Variants in SYNE2 observed in about 807,000 individuals in gnomAD.
The protein encoded by SYNE2 is nesprin-2.
SYNE2 carries 431 observed loss-of-function variants against 856.3 expected under a neutral mutation model. That is an observed-to-expected ratio of 0.50 (90% CI 0.47 to 0.55). SYNE2 has a LOEUF of 0.55. SYNE2 is among the 20% of genes least tolerant of loss of function. The pLI is 0.00. For synonymous variants in SYNE2, 2,923 were observed against 2,872.3 expected (o/e 1.02, Z -0.56); for missense variants, 8,129 against 8,023.2 (o/e 1.01, Z -0.50).
At chr14:64,216,854 A>G (rs1276437593) in intron 108 of SYNE2, among the ~76,000 whole-genome samples, 1 of 152,084 alleles carries the variant, frequency 6.6e-6, no homozygotes, top group Non-Finnish European at 1.5e-5. Flanking sequence ...CCTCCCAAGT[A>G]GCTGCGATTA....
chr14:63,922,505 GAT>G, intron 2 of SYNE2, among the ~76,000 whole-genome samples: 1 of 152,264 alleles, frequency 6.6e-6, no homozygotes, highest in East Asian at 1.9e-4. Flanking sequence ...TGTTTCTTAA[GAT>G]AGCCATGTGT....
chr14:63,940,006 G>A (rs960216309), intron 2 of SYNE2, among the ~76,000 whole-genome samples: 2 of 151,688 alleles, frequency 1.3e-5, no homozygotes, highest in African/African-American at 4.8e-5. Flanking sequence ...TCTAGGTTAG[G>A]AACTCCTGTT....
At chr14:64,159,574 C>A in intron 87 of SYNE2, 132 bp downstream of exon 87, 1 of 1,050,068 alleles carries the variant, frequency 9.5e-7, no homozygotes, top group Non-Finnish European at 1.4e-6. Flanking sequence ...CTGGTCTCTT[C>A]TGCTTTGATG....
At position 64,209,477 on chromosome 14, in the gene SYNE2, C is replaced by A; in HGVS notation, c.18439C>A (p.Arg6147Ser). ...LWQKFLDDYS[R>S]FEDWLKSAER... ...GCAGAAGTTTTTAGACGACTATTCT[C>A]GCTTTGAGGACTGGCTCAAGTCAGC... is the stretch of plus-strand genomic sequence containing the variant. The change falls in exon 102 of 116, where the codon CGC (arginine) becomes AGC (serine). Residue 6147 changes from arginine (R) to serine (S), a missense_variant. Arg to Ser is a moderately radical substitution (Grantham distance 110). This residue lies in a region of SYNE2 where 5,410 missense variants were observed against 5,284.8 expected (regional missense o/e 1.02). Transcript: ENST00000555002. The A allele has an allele frequency of 6.2e-7, 1 of 1,614,214 alleles. No individual in the cohort carries two copies. Among genetic ancestry groups the A allele is most frequent in the Non-Finnish European group, 8.5e-7 (1 of 1,180,042 alleles).
chr14:63,914,944 T>C (rs781303288), intron 2 of SYNE2, among the ~76,000 whole-genome samples: 94 of 152,050 alleles, frequency 6.2e-4, no homozygotes, highest in Non-Finnish European at 1.0e-3. Flanking sequence ...CGCCAAGCTA[T>C]TTTTTACATT....
intron 6 of SYNE2, among the ~76,000 whole-genome samples, chr14:63,945,766 A>G (rs2096016564): frequency 6.6e-6 from 1 of 152,296 alleles, no homozygotes; most frequent in African/African-American, 2.4e-5. Flanking sequence ...CTGGAATTAC[A>G]GGTGTGTGTC....
At chr14:63,764,260 CTGTT>C (rs1166590174) in intron 1 of SYNE2, among the ~76,000 whole-genome samples, 6 of 152,184 alleles carry the variant, frequency 3.9e-5, no homozygotes. Flanking sequence ...AAGAGCCCCA[CTGTT>C]TGTATCCGTG....
intron 45 of SYNE2, among the ~76,000 whole-genome samples, chr14:64,045,433 G>A (rs1217715769): frequency 6.6e-6 from 1 of 150,892 alleles, no homozygotes; most frequent in East Asian, 1.9e-4. Context: ...TCTTGGGCTG[G>A]GGGTGTATTT....
intron 8 of SYNE2, among the ~76,000 whole-genome samples, chr14:63,957,422 C>T (rs2096254853): frequency 6.6e-6 from 1 of 151,886 alleles, no homozygotes; most frequent in Non-Finnish European, 1.5e-5. Flanking sequence ...GTGTGTGCCA[C>T]TGTGCCTGGC....
chr14:63,797,410 T>C (rs562164956), intron 1 of SYNE2, among the ~76,000 whole-genome samples: 4 of 152,136 alleles, frequency 2.6e-5, no homozygotes, highest in Non-Finnish European at 5.9e-5. Context: ...ATAATAATAA[T>C]TGAGATTTGG....
rs773239073 is a variant in SYNE2, at chr14:63,978,807, G to A, written c.1407-45G>A. ...ATGCTGAACAGATTTCTCACATTTG[G>A]TCAATAATATTAAGTTAAATTCCAA... On this transcript the variant is annotated intron_variant, in intron 13 of 115. Coordinates refer to ENST00000555002, the MANE Select transcript of SYNE2 (RefSeq NM_182914.3). 5 of 1,538,872 alleles carry A rather than the reference G, an allele frequency of 3.2e-6. No individual in the cohort carries two copies. In the South Asian group the frequency reaches 3.4e-5, roughly 11 times the overall value.
In SYNE2 at chr14:64,003,056, A is replaced by G; in HGVS notation, c.4123A>G (p.Lys1375Glu). The G allele has an allele frequency of 6.2e-7, 1 of 1,614,232 alleles. No individual in the cohort carries two copies. The highest frequency in any genetic ancestry group is 8.5e-7 in the Non-Finnish European group (1 of 1,180,048). The part of the protein sequence containing the change: ...GEIHLMKDKA[K>E]HLDKCLKMLD... Reference sequence around the variant, plus strand: ...AATTCATCTGATGAAAGACAAGGCCAAACATTTGGATAAATGTTTGAAGAT... The same window carrying G: ...AATTCATCTGATGAAAGACAAGGCCGAACATTTGGATAAATGTTTGAAGAT... Residue 1375 changes from lysine to glutamate, a missense_variant, in exon 30 of 116, where the codon AAA becomes GAA. This residue lies in a region of SYNE2 where 2,422 missense variants were observed against 2,357.4 expected (regional missense o/e 1.03). Transcript: ENST00000555002.
At chr14:63,980,601 T>A (rs2096578189) in intron 14 of SYNE2, 53 bp from the exon 15 acceptor site, 2 of 1,263,108 alleles carry the variant, frequency 1.6e-6, no homozygotes, top group Non-Finnish European at 2.3e-6. Context: ...CTGGATTTCT[T>A]GGCACAATTT....
chr14:63,769,985 G>A (rs1287708513), intron 1 of SYNE2, among the ~76,000 whole-genome samples: 5 of 152,042 alleles, frequency 3.3e-5, no homozygotes, highest in Admixed American at 3.3e-4. Flanking sequence ...CACAATCACA[G>A]CTCACTGCAG....
At chr14:64,199,697 G>A (rs943748697) in intron 99 of SYNE2, among the ~76,000 whole-genome samples, 10 of 127,342 alleles carry the variant, frequency 7.9e-5, no homozygotes, top group Admixed American at 1.9e-4. Context: ...CAGCGTAGGC[G>A]ATAGAGACTC....
At chr14:64,084,862 G>A in intron 57 of SYNE2, 1 of 681,116 alleles carries the variant, frequency 1.5e-6, no homozygotes, top group Non-Finnish European at 2.7e-6. Context: ...AAAGGCTGCA[G>A]GCTCATCTGA....
At chr14:63,804,613 C>A (rs948518459) in intron 1 of SYNE2, among the ~76,000 whole-genome samples, 8 of 152,142 alleles carry the variant, frequency 5.3e-5, no homozygotes, top group African/African-American at 1.9e-4. Context: ...CCTGCCTCAG[C>A]CTCTTGAATA....
chr14:64,186,568 C>T lies in SYNE2; in HGVS notation c.17701C>T (p.Leu5901Phe). 1 of 1,614,148 alleles carries T rather than the reference C, an allele frequency of 6.2e-7. No individual in the cohort carries two copies. The highest frequency in any genetic ancestry group is 1.1e-5 in the South Asian group (1 of 91,074). The stretch of plus-strand genomic sequence containing the variant: ...GCATTTGCACAGACAATGGGAGGAC[C>T]TCTGCTTAAGGGTAAGTCAGCTCAC... ...IEHLHRQWED[L>F]CLRVAIRKQE... is the part of the protein sequence containing the mutation. Residue 5901 changes from leucine (L) to phenylalanine (F), a missense_variant, in exon 97 of 116, where the codon CTC becomes TTC. This residue lies in a region of SYNE2 where 5,410 missense variants were observed against 5,284.8 expected (regional missense o/e 1.02). Coordinates refer to ENST00000555002, the MANE Select transcript of SYNE2 (RefSeq NM_182914.3).
Position 63,967,818 on chromosome 14 carries a change from G to A in SYNE2, c.1100G>A (p.Arg367Lys). 2 of 1,614,092 alleles carry A rather than the reference G, an allele frequency of 1.2e-6. No individual in the cohort carries two copies. Among genetic ancestry groups the A allele is most frequent in the Non-Finnish European group, 1.7e-6 (2 of 1,179,986 alleles). Residue 367 changes from arginine to lysine, a missense_variant, in exon 11 of 116, where the codon AGA becomes AAA. Coordinates refer to ENST00000555002, the MANE Select transcript of SYNE2 (RefSeq NM_182914.3). ...DELDKDHLQL[R>K]EAWDGLDHQI... is the part of the protein sequence containing the mutation. ...CTGGACAAGGATCATTTACAGTTGAGAGAAGCCTGGGATGGCCTCGATCAC... is the reference window on the plus strand; with the variant it reads ...CTGGACAAGGATCATTTACAGTTGAAAGAAGCCTGGGATGGCCTCGATCAC...
Sources: allele counts gnomAD v4.1 joint callset (sites outside exome capture counted in the v4.1 genomes callset), GRCh38; gene constraint gnomAD v4.1.1; regional missense constraint gnomAD v4.1.1; transcripts MANE v1.5; gene names NCBI Gene and HGNC (gene_info 2026-07-23, HGNC 2026-07-21).